Variants in PCNX4 observed in about 807,000 individuals in gnomAD.
PCNX4 encodes the protein pecanex-like protein 4.
Under a neutral mutation model 107.2 loss-of-function variants are expected in PCNX4, and 103 were observed. The observed-to-expected ratio is 0.96, with a 90% CI of 0.82 to 1.13. The LOEUF (loss-of-function observed/expected upper bound fraction) is 1.13. Ranked by LOEUF, PCNX4 falls within the 50% of genes most tolerant of loss-of-function variation. The probability of loss-of-function intolerance (pLI) is 0.00; values close to 1 mark genes in which losing one functional copy is unlikely to be tolerated. For synonymous variants in PCNX4, 541 were observed against 481.7 expected, an observed-to-expected ratio of 1.12 and a Z score of -1.61; for missense variants, 1,528 against 1,379.4, an observed-to-expected ratio of 1.11 and a Z score of -1.71.
In PCNX4 at chr14:60,144,988, AT is replaced by A. The variant is rs754411560; in HGVS notation, c.*10771del. ...TTTTCAGTCATGTTTTGTCTTAAAG[AT>A]TTTAAAATAAGAAGAGTCTGCATCC... On this transcript the variant is annotated 3_prime_UTR_variant, in exon 11 of 11. Coordinates refer to ENST00000406854, the MANE Select transcript of PCNX4 (RefSeq NM_001330177.2). 1 of 1,602,576 alleles carries A rather than the reference AT, an allele frequency of 6.2e-7. No homozygotes were observed.
rs1438060983 is a variant in PCNX4 at position 60,141,539 on chromosome 14, T to G, written c.*7318T>G. On this transcript the variant is annotated 3_prime_UTR_variant, in exon 11 of 11. Coordinates refer to ENST00000406854, the MANE Select transcript of PCNX4 (RefSeq NM_001330177.2). ...CAACTTAGAAGAAATAATCTGATTC[T>G]TGAAAACCACAAACTATTAAAACTC... 1.3e-5 allele frequency: 2 copies of G among 152,236 alleles called. No individual in the cohort carries two copies. Among genetic ancestry groups the G allele is most frequent in the African/African-American group, 4.8e-5 (2 of 41,474 alleles). 9.4% of individuals were successfully genotyped at this position (152,236 alleles called of 1,614,324 possible).
chr14:60,140,268 TTAAAC>T lies in PCNX4; in HGVS notation c.*6050_*6054del, dbSNP rs1291668414. 2 of 152,144 alleles carry T rather than the reference TTAAAC, an allele frequency of 1.3e-5. No homozygotes were observed. Among genetic ancestry groups the T allele is most frequent in the Non-Finnish European group, 2.9e-5 (2 of 68,012 alleles). 9.4% of individuals were successfully genotyped at this position (152,144 alleles called of 1,614,324 possible). On this transcript the variant is annotated 3_prime_UTR_variant, in exon 11 of 11. Transcript: ENST00000406854. This position sits in a 1 kb window ranked among gnomAD's most constrained non-coding sequence, Gnocchi z 4.2. ...ATTTTAGATGAAGTGAATAAATTCT[TTAAAC>T]TATGGAAGAGCCAAAATTGACAAAT...
chr14:60,115,760 TC>T lies in PCNX4; in HGVS notation c.1401del (p.Leu468TyrfsTer39). On this transcript the variant is annotated frameshift_variant, in exon 5 of 11. Coordinates refer to ENST00000406854, the MANE Select transcript of PCNX4 (RefSeq NM_001330177.2). LOFTEE classifies it high-confidence loss of function. ...GATAGCATTTCTTTCATTGGACAGT[TC>T]CTTACAAGGGCTCCACTCAGTGTCT... ...AMIAFLSLDSSLQGLHSVSVC... is the reference protein window; with the variant it reads ...AMIAFLSLDSXLQGLHSVSVC... 1.9e-6 allele frequency: 3 copies of T among 1,613,524 alleles called. No individual in the cohort carries two copies. The highest frequency in any genetic ancestry group is 2.5e-6 in the Non-Finnish European group (3 of 1,179,566).
At position 60,118,518 on chromosome 14, in the gene PCNX4, T is replaced by G. The variant is rs1476506522; in HGVS notation, c.1768T>G (p.Leu590Val). The G allele has an allele frequency of 6.2e-7, 1 of 1,613,816 alleles. No individual in the cohort carries two copies. Among genetic ancestry groups the G allele is most frequent in the Admixed American group, 1.7e-5 (1 of 59,916 alleles). Reference protein sequence around the residue: ...IVFSTLLSSPLLPLFTLPVFL... With the variant: ...IVFSTLLSSPVLPLFTLPVFL... The stretch of plus-strand genomic sequence containing the variant: ...TTTTTCTACACTACTCTCTTCTCCC[T>G]TACTCCCTCTTTTCACCCTTCCTGT... Residue 590 changes from leucine (L) to valine (V), a missense_variant, in exon 7 of 11, where the codon TTA becomes GTA. Physicochemically the swap from Leu to Val is conservative, Grantham distance 32. Transcript: ENST00000406854.
rs766125126 is a variant in PCNX4, at chr14:60,121,275, T to A, written c.2022T>A (p.Tyr674Ter). Residue 674 changes from tyrosine to a stop codon, truncating the protein, a stop_gained, in exon 8 of 11, where the codon TAT (tyrosine) becomes TAA (stop). Coordinates refer to ENST00000406854, the MANE Select transcript of PCNX4 (RefSeq NM_001330177.2). LOFTEE classifies it high-confidence loss of function. ...GGATAATGATTCTGGAATGTGGCTA[T>A]ACTTACTGCTCTATTAACATTAAGG... ...LMWIMILECGYTYCSINIKGL... is the reference protein window; with the variant it reads ...LMWIMILECG 3.7e-6 allele frequency: 6 copies of A among 1,610,150 alleles called. No homozygotes were observed. The East Asian group carries it at 6.7e-5, about 18-fold the overall frequency.
rs531266819 is a variant in PCNX4 at position 60,124,270 on chromosome 14, A to G, written c.2099A>G (p.Asp700Gly). 1.3e-4 allele frequency: 202 copies of G among 1,605,490 alleles called. No homozygotes were observed. In the Admixed American group the frequency reaches 3.3e-3, roughly 26 times the overall value. ...CATACTGCAGAAGCTCGCAGAGTTG[A>G]TGAAGTTTTTGAAGATGCTTTTGAG... ...SCHTAEARRV[D>G]EVFEDAFEQE... is the part of the protein sequence containing the mutation. The change falls in exon 9 of 11, where the codon GAT (aspartate) becomes GGT (glycine). Residue 700 changes from aspartate (D) to glycine (G), a missense_variant. By Grantham distance (94) the Asp-to-Gly change is moderately conservative. Transcript: ENST00000406854.
chr14:60,092,636 C>T (rs1277634776), intron 1 of PCNX4, among the ~76,000 whole-genome samples: 2 of 152,202 alleles, frequency 1.3e-5, no homozygotes, highest in Non-Finnish European at 2.9e-5. Context: ...TGAAAGACTA[C>T]TTTAGCCTGT....
chr14:60,094,722 C>T (rs1895387552), intron 1 of PCNX4, among the ~76,000 whole-genome samples: 1 of 150,966 alleles, frequency 6.6e-6, no homozygotes, highest in African/African-American at 2.4e-5. Flanking sequence ...GCACCCCCCA[C>T]CTCTGCAGGT....
At chr14:60,121,401 T>G in intron 8 of PCNX4, 102 bp downstream of exon 8, 1 of 1,247,102 alleles carries the variant, frequency 8.0e-7, no homozygotes, top group Non-Finnish European at 1.1e-6. Flanking sequence ...AAGAATATCT[T>G]TTCAATTACC....
chr14:60,110,978 C>G (rs948743711), intron 2 of PCNX4: 4 of 166,970 alleles, frequency 2.4e-5, no homozygotes, highest in Non-Finnish European at 5.9e-5. Context: ...GATTAGTGCC[C>G]TTAGGAGAGA....
In PCNX4 at chr14:60,141,211, A is replaced by T. The variant is rs187960596; in HGVS notation, c.*6990A>T. ...ATTAGAAATGAGGAAAGGTCTCAGC[A>T]CAATAACCTAAGTTCCCACCACAAG... is the stretch of plus-strand genomic sequence containing the variant. On this transcript the variant is annotated 3_prime_UTR_variant, in exon 11 of 11. Coordinates refer to ENST00000406854, the MANE Select transcript of PCNX4 (RefSeq NM_001330177.2). 31 of 152,374 alleles carry T rather than the reference A, an allele frequency of 2.0e-4. No homozygotes were observed. The highest frequency in any genetic ancestry group is 7.5e-4 in the African/African-American group (31 of 41,586). The allele number at this position is 152,374 out of a possible 1,614,324, so 9.4% of individuals were successfully genotyped here. A position where few individuals can be genotyped will look rare whatever the true frequency, so the allele number is the denominator to read the frequency against.
At chr14:60,127,484 G>T (rs897597411) in intron 10 of PCNX4, among the ~76,000 whole-genome samples, 12 of 152,224 alleles carry the variant, frequency 7.9e-5, no homozygotes. Context: ...TCCCAAGGTA[G>T]CTGTGTGCAT....
chr14:60,106,812 A>C (rs1284567464), intron 1 of PCNX4, among the ~76,000 whole-genome samples: 9 of 152,220 alleles, frequency 5.9e-5, no homozygotes, highest in African/African-American at 1.9e-4. Flanking sequence ...TTCTAGCCTA[A>C]CATGATCCAC....
At chr14:60,121,161 CTTTTTTTTTTTTT>C (rs747483127) in intron 7 of PCNX4, 22 bp from the exon 8 acceptor site, 1 of 1,001,710 alleles carries the variant, frequency 1.0e-6, no homozygotes, top group African/African-American at 2.0e-5. Flanking sequence ...AAATGATTTT[CTTTTTTTTTTTTT>C]TTTTTTTCTA....
At chr14:60,117,495 CAAT>C (rs1307904700) in intron 6 of PCNX4, among the ~76,000 whole-genome samples, 38 of 152,158 alleles carry the variant, frequency 2.5e-4, no homozygotes, top group African/African-American at 6.8e-4. Context: ...AATATTCACT[CAAT>C]GATGAGTCTC....
At position 60,114,868 on chromosome 14, in the gene PCNX4, A is replaced by G. The variant is rs1325835985; in HGVS notation, c.858A>G (p.Ser286=). 1.9e-6 allele frequency: 3 copies of G among 1,610,046 alleles called. No individual in the cohort carries two copies. Among genetic ancestry groups the G allele is most frequent in the Non-Finnish European group, 2.5e-6 (3 of 1,178,568 alleles). The change falls in exon 3 of 11, where the codon TCA becomes TCG. Residue 286 remains serine, a synonymous_variant. Coordinates refer to ENST00000406854, the MANE Select transcript of PCNX4 (RefSeq NM_001330177.2). ...TCGGCCTTGGAGGCTCATCTATGTC[A>G]ACCCACTTACGGTATTTATTTTTAA... ...LEFGLGGSSM[S]THLRLLVMFI... is the part of the protein sequence containing the mutation.
intron 6 of PCNX4, 45 bp downstream of exon 6, chr14:60,116,105 C>G: frequency 6.8e-7 from 1 of 1,476,608 alleles, no homozygotes; most frequent in Non-Finnish European, 9.1e-7. Flanking sequence ...ATTTTACATA[C>G]TATAATATTT....
Position 60,115,726 on chromosome 14 carries a change from T to G in PCNX4, c.1365T>G (p.Pro455=). Residue 455 remains proline (P), a synonymous_variant, in exon 5 of 11, where the codon CCT becomes CCG. Transcript: ENST00000406854. ...VRRILLTLVS[P]FAMIAFLSLD... The stretch of plus-strand genomic sequence containing the variant: ...CTTTTTGTTTTGTTTTAGTATCACC[T>G]TTTGCCATGATAGCATTTCTTTCAT... 4.3e-6 allele frequency: 7 copies of G among 1,611,410 alleles called. No homozygotes were observed. Among genetic ancestry groups the G allele is most frequent in the Non-Finnish European group, 5.1e-6 (6 of 1,178,116 alleles).
chr14:60,118,625 G>A lies in PCNX4; in HGVS notation c.1875G>A (p.Val625=). Residue 625 remains valine, a synonymous_variant, in exon 7 of 11, where the codon GTG becomes GTA. Transcript: ENST00000406854. ...CAGCCTGTGTGTGTGCAGATACAGT[G>A]TACTACTACCAAATGGTGCCCAGGT... ...GTTACVCADT[V]YYYQMVPRLT... 1 of 1,613,598 alleles carries A rather than the reference G, an allele frequency of 6.2e-7. No homozygotes were observed. The highest frequency in any genetic ancestry group is 8.5e-7 in the Non-Finnish European group (1 of 1,179,716).
Sources: gnomAD v4.1 joint callset for allele counts (sites outside exome capture counted in the v4.1 genomes callset) on GRCh38, gnomAD v4.1.1 for gene constraint, Gnocchi (gnomAD v3.1) non-coding constraint, MANE v1.5 for transcripts, NCBI Gene and HGNC (gene_info 2026-07-23, HGNC 2026-07-21) for gene names.